PECR: variants seen among roughly 807,000 people sequenced by gnomAD.
The protein encoded by PECR is peroxisomal trans-2-enoyl-CoA reductase.
PECR carries 30 observed loss-of-function variants against 35.3 expected under a neutral mutation model. That is an observed-to-expected ratio of 0.85 (90% CI 0.64 to 1.15). The LOEUF (loss-of-function observed/expected upper bound fraction) is 1.15, where lower values mean the gene tolerates loss of function less well. PECR is among the 50% of genes most tolerant of loss of function. PECR has a pLI of 0.00. For synonymous variants in PECR, 148 were observed against 138.9 expected, an observed-to-expected ratio of 1.07 and a Z score of -0.46; for missense variants, 392 against 370.8, an observed-to-expected ratio of 1.06 and a Z score of -0.47.
intron 1 of PECR, among the ~76,000 whole-genome samples, chr2:216,075,737 C>T (rs1240036682): frequency 2.6e-5 from 4 of 152,300 alleles, no homozygotes; most frequent in South Asian, 4.1e-4. Context: ...TGATACTGAT[C>T]CCTTTCCATC....
downstream of PECR, among the ~76,000 whole-genome samples, chr2:216,037,480 G>A (rs1032555927): frequency 6.6e-6 from 1 of 152,160 alleles, no homozygotes; most frequent in South Asian, 2.1e-4. Flanking sequence ...CCTCTAACAT[G>A]GTTTGTAATT....
chr2:216,068,029 C>T (rs1031642314), intron 1 of PECR, among the ~76,000 whole-genome samples: 14 of 151,840 alleles, frequency 9.2e-5, no homozygotes, highest in Non-Finnish European at 1.8e-4. Flanking sequence ...GAGTTTGAGA[C>T]CAGCCTGACC....
intron 7 of PECR, among the ~76,000 whole-genome samples, chr2:216,043,206 C>T (rs770609731): frequency 1.4e-4 from 21 of 150,750 alleles, no homozygotes; most frequent in Non-Finnish European, 1.5e-4. Flanking sequence ...CTCCCGGGTT[C>T]ACACCATTCT....
At chr2:216,052,356 A>G (rs1695132038) in intron 4 of PECR, among the ~76,000 whole-genome samples, 1 of 152,244 alleles carries the variant, frequency 6.6e-6, no homozygotes, top group Non-Finnish European at 1.5e-5. Context: ...CTGGTAAAAA[A>G]CAGATTATTT....
At chr2:216,031,673 AAG>A (rs72139324) in intron 7 of PECR, among the ~76,000 whole-genome samples, 40,557 of 121,224 alleles carry the variant, frequency 0.33, 6,248 homozygotes, top group Admixed American at 0.44. Context: ...GAAAGAAAGA[AAG>A]AAAGAAAGAA....
At chr2:216,081,217 A>C (rs371790508) in intron 1 of PECR, among the ~76,000 whole-genome samples, 2 of 152,062 alleles carry the variant, frequency 1.3e-5, no homozygotes, top group Non-Finnish European at 2.9e-5. Context: ...AGATGTGAGA[A>C]GATACTATGA....
intron 3 of PECR, among the ~76,000 whole-genome samples, chr2:216,063,436 G>A (rs1341940759): frequency 6.6e-6 from 1 of 151,998 alleles, no homozygotes; most frequent in Non-Finnish European, 1.5e-5. Flanking sequence ...TGGCCAACAT[G>A]GTGAAACCCC....
chr2:216,037,675 C>T (rs1222664428), downstream of PECR, among the ~76,000 whole-genome samples: 4 of 152,108 alleles, frequency 2.6e-5, no homozygotes, highest in African/African-American at 9.7e-5. Flanking sequence ...TTAAATGCTG[C>T]ACCCTGGGCA....
At chr2:216,042,710 T>C (rs1159849396) in intron 7 of PECR, among the ~76,000 whole-genome samples, 1 of 152,084 alleles carries the variant, frequency 6.6e-6, no homozygotes, top group Admixed American at 6.6e-5. Context: ...CACACACACA[T>C]AAAGGCATTT....
rs1233457374 is a variant in PECR, at chr2:216,059,094, T to C, written c.425-118A>G. ...TTACACGTCCATTTACATTTCCTTA[T>C]AAAAAGCCTGACTGAGGTAAAATTT... is the stretch of plus-strand genomic sequence containing the variant. On this transcript the variant is annotated intron_variant, in intron 3 of 7. Coordinates refer to ENST00000265322, the MANE Select transcript of PECR (RefSeq NM_018441.6). The C allele has an allele frequency of 4.2e-6, 3 of 721,366 alleles. No homozygotes were observed. In the East Asian group the frequency reaches 8.0e-5, roughly 19 times the overall value. 44.7% of individuals were successfully genotyped at this position (721,366 alleles called of 1,614,324 possible). A position where few individuals can be genotyped will look rare whatever the true frequency, so the allele number is the denominator to read the frequency against.
intron 7 of PECR, among the ~76,000 whole-genome samples, chr2:216,031,646 G>GAAAAGAAAGAAAGA (rs1694703329): frequency 2.9e-5 from 1 of 34,828 alleles, no homozygotes; most frequent in South Asian, 1.1e-3. Flanking sequence ...GAAGGAAGAA[G>GAAAAGAAAGAAAGA]AAAAGAAAGA....
chr2:216,052,452 C>T (rs1193630345), intron 4 of PECR, among the ~76,000 whole-genome samples: 1 of 152,130 alleles, frequency 6.6e-6, no homozygotes, highest in Non-Finnish European at 1.5e-5. Context: ...TTGAAAAAGT[C>T]TTTAATTCAT....
chr2:216,066,853 A>G (rs1695477143), intron 1 of PECR, among the ~76,000 whole-genome samples: 1 of 152,170 alleles, frequency 6.6e-6, no homozygotes, highest in Non-Finnish European at 1.5e-5. Flanking sequence ...GCACCTGGCC[A>G]TGCGTGTTCC....
At chr2:216,031,691 G>GAAAGAGAGAAAGAA (rs1473248845) in intron 7 of PECR, among the ~76,000 whole-genome samples, 1 of 61,102 alleles carries the variant, frequency 1.6e-5, no homozygotes, top group Non-Finnish European at 3.3e-5. Context: ...AAGAAAGAAA[G>GAAAGAGAGAAAGAA]AGAAAGAAAG....
chr2:216,052,601 T>A (rs1004999830), intron 4 of PECR, among the ~76,000 whole-genome samples: 1 of 152,228 alleles, frequency 6.6e-6, no homozygotes, highest in Admixed American at 6.5e-5. Flanking sequence ...GTATACAATG[T>A]GTCTTTTTCC....
intron 1 of PECR, among the ~76,000 whole-genome samples, chr2:216,070,071 A>G (rs769949577): frequency 5.9e-5 from 9 of 152,258 alleles, no homozygotes; most frequent in South Asian, 2.1e-4. Context: ...TGCTTGCTCT[A>G]TATCATAAGG....
At chr2:216,036,219 G>T (rs903046144), downstream of PECR, among the ~76,000 whole-genome samples, 7 of 152,224 alleles carry the variant, frequency 4.6e-5, no homozygotes, top group Admixed American at 1.3e-4. Context: ...TAGAGGGCTT[G>T]AACAACCAAG....
rs531061043 is a variant in PECR at position 216,074,043 on chromosome 2, C to A, written c.125-7525G>T. Among the ~76,000 whole-genome samples, 3 of 152,350 alleles carry A rather than the reference C, an allele frequency of 2.0e-5. No individual in the cohort carries two copies. In the South Asian group the frequency reaches 6.2e-4, roughly 32 times the overall value. ...AGAGAAATAAGCACCCCAGGACAAG[C>A]CACCACTTCCTCCACCCACTTCTTT... is the stretch of plus-strand genomic sequence containing the variant. On this transcript the variant is annotated intron_variant, in intron 1 of 7. Coordinates refer to ENST00000265322, the MANE Select transcript of PECR (RefSeq NM_018441.6).
intron 7 of PECR, among the ~76,000 whole-genome samples, chr2:216,029,639 G>A (rs1694649302): frequency 6.6e-6 from 1 of 152,300 alleles, no homozygotes; most frequent in Middle Eastern, 3.4e-3. Context: ...CAAAATACAA[G>A]GATGCTAAGT....
Sources: gnomAD v4.1 joint callset for allele counts (sites outside exome capture counted in the v4.1 genomes callset) on GRCh38, gnomAD v4.1.1 for gene constraint, MANE v1.5 for transcripts, NCBI Gene and HGNC (gene_info 2026-07-23, HGNC 2026-07-21) for gene names.